KCNJ15: variants seen among roughly 807,000 people sequenced by gnomAD.
The protein encoded by KCNJ15 is ATP-sensitive inward rectifier potassium channel 15.
A neutral mutation model predicts 23.0 loss-of-function variants in KCNJ15; 14 were observed. That is an observed-to-expected ratio of 0.61 (90% CI 0.40 to 0.95). The LOEUF is 0.95. Ranked by LOEUF, KCNJ15 falls within the 40% of genes least tolerant of loss-of-function variation. KCNJ15 has a pLI of 0.00. For synonymous variants in KCNJ15, 185 were observed against 183.2 expected (o/e 1.01, Z -0.08); for missense variants, 388 against 461.8 (o/e 0.84, Z 1.46).
chr21:38,250,384 G>C (rs186653889), intron 1 of KCNJ15, among the ~76,000 whole-genome samples: 1 of 152,056 alleles, frequency 6.6e-6, no homozygotes, highest in Admixed American at 6.6e-5. Flanking sequence ...AAATGAGGAC[G>C]TTATAGCCTA....
chr21:38,233,769 A>C (rs1330761610), intron 1 of KCNJ15, among the ~76,000 whole-genome samples: 3 of 152,136 alleles, frequency 2.0e-5, no homozygotes, highest in Non-Finnish European at 2.9e-5. Context: ...AATGATGTGT[A>C]CTACCTTAAT....
rs1985458792 is a variant in KCNJ15 at position 38,299,012 on chromosome 21, C to A, written c.-18-232C>A. Among the ~76,000 whole-genome samples, 1 of 152,208 alleles carries A rather than the reference C, an allele frequency of 6.6e-6. No homozygotes were observed. Among genetic ancestry groups the A allele is most frequent in the Non-Finnish European group, 1.5e-5 (1 of 68,030 alleles). ...GTTAAATAGCTTTCTGCAGGTCACA[C>A]AGCTGATGAATTGCAGAGTCAGCAT... is the stretch of plus-strand genomic sequence containing the variant. On this transcript the variant is annotated intron_variant, in intron 2 of 2. Transcript: ENST00000398938. The surrounding 1 kb of genome is among the most constrained non-coding windows in gnomAD (Gnocchi z 4.5).
chr21:38,238,341 G>C, intron 1 of KCNJ15: 1 of 718,556 alleles, frequency 1.4e-6, no homozygotes, highest in South Asian at 1.4e-5. Context: ...GGGTACTCAG[G>C]AAAGGCAGCC....
chr21:38,243,542 C>G (rs1399088155), intron 1 of KCNJ15, among the ~76,000 whole-genome samples: 2 of 152,196 alleles, frequency 1.3e-5, no homozygotes, highest in Non-Finnish European at 2.9e-5. Context: ...CTGCCTCAGC[C>G]TCCCAAGTAG....
intron 1 of KCNJ15, among the ~76,000 whole-genome samples, chr21:38,258,435 C>A (rs905435926): frequency 2.0e-5 from 3 of 152,198 alleles, no homozygotes; most frequent in Non-Finnish European, 4.4e-5. Flanking sequence ...TTCTTTCTTC[C>A]CATACCTTCT....
intron 1 of KCNJ15, among the ~76,000 whole-genome samples, chr21:38,260,725 G>A (rs1568992475): frequency 2.6e-5 from 4 of 152,184 alleles, no homozygotes; most frequent in African/African-American, 9.7e-5. Flanking sequence ...TTCCAGTAGG[G>A]AGCAGTTGAG....
At chr21:38,252,002 G>C (rs1204686178), upstream of KCNJ15, among the ~76,000 whole-genome samples, 1 of 152,162 alleles carries the variant, frequency 6.6e-6, no homozygotes, top group Non-Finnish European at 1.5e-5. Context: ...GCCTCCAGTG[G>C]GAGGCTAGAG....
intron 1 of KCNJ15, among the ~76,000 whole-genome samples, chr21:38,279,619 G>C (rs1028559645): frequency 6.6e-6 from 1 of 152,136 alleles, no homozygotes; most frequent in African/African-American, 2.4e-5. Context: ...GTGGTGAGCT[G>C]AGAGGTTACT....
intron 2 of KCNJ15, among the ~76,000 whole-genome samples, chr21:38,298,582 T>G (rs1985412092): frequency 6.6e-6 from 1 of 152,222 alleles, no homozygotes; most frequent in Admixed American, 6.5e-5. Flanking sequence ...TCTTAATTAT[T>G]CATTAGATTA....
rs1985838173 is a variant in KCNJ15, at chr21:38,302,059, C to CACACATGCACACACGT, written c.*1670_*1671insACACATGCACACACGT. 2 of 130,772 alleles carry CACACATGCACACACGT rather than the reference C, an allele frequency of 1.5e-5. No individual in the cohort carries two copies. Among genetic ancestry groups the CACACATGCACACACGT allele is most frequent in the Non-Finnish European group, 3.0e-5 (2 of 67,614 alleles). 8.1% of individuals were successfully genotyped at this position (130,772 alleles called of 1,614,324 possible). A position where few individuals can be genotyped will look rare whatever the true frequency, so the allele number is the denominator to read the frequency against. ...AAACACATGCACACATGCACACACG[C>CACACATGCACACACGT]GCACACATGCACACACGCACACACT... On this transcript the variant is annotated 3_prime_UTR_variant, in exon 3 of 3. Transcript: ENST00000398938.
intron 1 of KCNJ15, chr21:38,272,170 C>T (rs1982168082): frequency 6.6e-6 from 1 of 152,172 alleles, no homozygotes; most frequent in Non-Finnish European, 1.5e-5. Flanking sequence ...GTTAATTCTG[C>T]TTGGCAGTTT....
intron 1 of KCNJ15, among the ~76,000 whole-genome samples, chr21:38,247,678 A>C (rs879524363): frequency 2.6e-5 from 4 of 152,220 alleles, no homozygotes; most frequent in Non-Finnish European, 5.9e-5. Context: ...GTTACTCTGT[A>C]TGCCCATATG....
chr21:38,294,421 G>A (rs923399941), intron 1 of KCNJ15, among the ~76,000 whole-genome samples: 2 of 152,112 alleles, frequency 1.3e-5, no homozygotes, highest in African/African-American at 4.8e-5. Flanking sequence ...GAATGAGCTC[G>A]CTGAAGGCCT....
chr21:38,260,735 G>A (rs1481998687), intron 1 of KCNJ15, among the ~76,000 whole-genome samples: 1 of 152,204 alleles, frequency 6.6e-6, no homozygotes, highest in Non-Finnish European at 1.5e-5. Flanking sequence ...GAGCAGTTGA[G>A]TGGAAGGTCA....
At chr21:38,250,208 A>G (rs1979727932) in intron 1 of KCNJ15, among the ~76,000 whole-genome samples, 1 of 152,212 alleles carries the variant, frequency 6.6e-6, no homozygotes, top group Non-Finnish European at 1.5e-5. Context: ...TCTGCTAATA[A>G]TAAATACCCA....
At chr21:38,232,570 A>G (rs1320219559) in intron 1 of KCNJ15, among the ~76,000 whole-genome samples, 1 of 151,806 alleles carries the variant, frequency 6.6e-6, no homozygotes, top group African/African-American at 2.4e-5. Context: ...TTCTTTTATA[A>G]TGTAGATATT....
intron 1 of KCNJ15, among the ~76,000 whole-genome samples, chr21:38,244,475 G>C (rs1428892502): frequency 6.6e-6 from 1 of 152,120 alleles, no homozygotes; most frequent in Non-Finnish European, 1.5e-5. Flanking sequence ...TCCTCACCTG[G>C]CTGTTACCAA....
At chr21:38,242,588 G>A (rs1047836417) in intron 1 of KCNJ15, among the ~76,000 whole-genome samples, 26 of 152,138 alleles carry the variant, frequency 1.7e-4, no homozygotes, top group African/African-American at 5.1e-4. Flanking sequence ...TCGATAGGAC[G>A]TCTTTCCCTA....
chr21:38,305,889 A>G lies in KCNJ15; in HGVS notation c.*5500A>G, dbSNP rs1186451432. On this transcript the variant is annotated 3_prime_UTR_variant, in exon 3 of 3. Coordinates refer to ENST00000398938, the MANE Select transcript of KCNJ15 (RefSeq NM_170736.3). ...TAGAGTCAGGGAGTATTCCAGAAAC[A>G]TATTTCCCTGGCTTGCCCAATTATC... 1.3e-5 allele frequency: 2 copies of G among 152,240 alleles called. No homozygotes were observed. Among genetic ancestry groups the G allele is most frequent in the Non-Finnish European group, 2.9e-5 (2 of 68,042 alleles). The allele number at this position is 152,240 out of a possible 1,614,324, so 9.4% of individuals were successfully genotyped here. A position where few individuals can be genotyped will look rare whatever the true frequency, so the allele number is the denominator to read the frequency against.
Sources: gnomAD v4.1 joint callset for allele counts (sites outside exome capture counted in the v4.1 genomes callset) on GRCh38, gnomAD v4.1.1 for gene constraint, Gnocchi (gnomAD v3.1) non-coding constraint, MANE v1.5 for transcripts, NCBI Gene and HGNC (gene_info 2026-07-23, HGNC 2026-07-21) for gene names.